The following VAT1L variants were observed in gnomAD, a reference collection of about 807,000 sequenced individuals.
VAT1L encodes the protein putative NADPH-dependent quinone oxidoreductase VAT1L.
VAT1L carries 34 observed loss-of-function variants against 44.1 expected under a neutral mutation model. That is an observed-to-expected ratio of 0.77 (90% CI 0.59 to 1.03). VAT1L has a LOEUF of 1.03. Among genes scored for constraint, VAT1L ranks in the 50% least tolerant of loss-of-function variants. VAT1L has a pLI of 0.00. For missense variants in VAT1L, 615 were observed against 538.8 expected, an observed-to-expected ratio of 1.14 and a Z score of -1.40; for synonymous variants, 253 against 202.2, an observed-to-expected ratio of 1.25 and a Z score of -2.13.
At position 77,977,862 on chromosome 16, in the gene VAT1L, C is replaced by G. The variant is rs2018358219; in HGVS notation, c.*167C>G. The stretch of plus-strand genomic sequence containing the variant: ...TTGATCACTGTTGTTTTTTGAAGTG[C>G]CAATCCCATGCCATGCAGTATTATG... On this transcript the variant is annotated 3_prime_UTR_variant, in exon 9 of 9. Transcript: ENST00000302536. The G allele has an allele frequency of 4.7e-6, 3 of 641,680 alleles. No homozygotes were observed. Among genetic ancestry groups the G allele is most frequent in the Non-Finnish European group, 8.3e-6 (3 of 359,510 alleles). 39.7% of individuals were successfully genotyped at this position (641,680 alleles called of 1,614,324 possible).
chr16:77,971,275 A>G (rs2018275281), intron 7 of VAT1L, among the ~76,000 whole-genome samples: 1 of 152,198 alleles, frequency 6.6e-6, no homozygotes, highest in Non-Finnish European at 1.5e-5. Context: ...GCAAGCCCCC[A>G]ACATTTGAAA....
At chr16:77,817,913 C>T (rs754752745) in intron 2 of VAT1L, among the ~76,000 whole-genome samples, 38 of 152,054 alleles carry the variant, frequency 2.5e-4, no homozygotes, top group Non-Finnish European at 5.0e-4. Context: ...TTTGAGAACC[C>T]GCTATAATCA....
chr16:77,972,417 A>G (rs2018290010), intron 8 of VAT1L, among the ~76,000 whole-genome samples: 1 of 152,126 alleles, frequency 6.6e-6, no homozygotes, highest in Non-Finnish European at 1.5e-5. Flanking sequence ...CTCCTGACTG[A>G]AGTGATCCTC....
chr16:77,827,995 G>A (rs1390604736), intron 3 of VAT1L, among the ~76,000 whole-genome samples: 1 of 152,196 alleles, frequency 6.6e-6, no homozygotes, highest in Non-Finnish European at 1.5e-5. Context: ...GAGTTGAAAA[G>A]TGCAGTTGGA....
intron 3 of VAT1L, among the ~76,000 whole-genome samples, chr16:77,837,952 A>T (rs554326369): frequency 6.6e-6 from 1 of 152,342 alleles, no homozygotes; most frequent in East Asian, 1.9e-4. Flanking sequence ...AGCCAGAAGC[A>T]AACAGGTTAG....
At chr16:77,848,898 G>A (rs1358629468) in intron 3 of VAT1L, among the ~76,000 whole-genome samples, 1 of 152,162 alleles carries the variant, frequency 6.6e-6, no homozygotes, top group African/African-American at 2.4e-5. Context: ...CAGGGACATG[G>A]ATGAAGCTGG....
chr16:77,800,397 C>T (rs1181068112), intron 1 of VAT1L: 28 of 152,162 alleles, frequency 1.8e-4, no homozygotes, highest in Admixed American at 1.7e-3. Context: ...TCAGGTATAC[C>T]TGGGGACTCT....
intron 7 of VAT1L, among the ~76,000 whole-genome samples, chr16:77,954,216 G>A (rs140788550): frequency 2.1e-4 from 32 of 152,318 alleles, no homozygotes; most frequent in African/African-American, 7.7e-4. Context: ...GCTGAGATCC[G>A]ATTTCTTGTC....
chr16:77,934,337 T>G lies in VAT1L; in HGVS notation c.1078-37513T>G, dbSNP rs565220556. Among the ~76,000 whole-genome samples, 27 of 152,170 alleles carry G rather than the reference T, an allele frequency of 1.8e-4. No homozygotes were observed. In the South Asian group the frequency reaches 5.4e-3, roughly 31 times the overall value. On this transcript the variant is annotated intron_variant, in intron 7 of 8. Transcript: ENST00000302536. ...CACCCCCAAGATGACCCTGTTCTAA[T>G]CCCTTGGACCTGTCAATATATTACT...
At chr16:77,927,859 C>T (rs975995675) in intron 7 of VAT1L, among the ~76,000 whole-genome samples, 12 of 151,988 alleles carry the variant, frequency 7.9e-5, no homozygotes, top group Non-Finnish European at 1.5e-4. Context: ...ACAGAGACTC[C>T]GTCTCAAAAT....
chr16:77,811,722 C>G (rs887762088), intron 1 of VAT1L, among the ~76,000 whole-genome samples: 1 of 152,124 alleles, frequency 6.6e-6, no homozygotes, highest in African/African-American at 2.4e-5. Context: ...AATAAAGGCA[C>G]CTAACCATCT....
At chr16:77,810,921 A>G (rs930504778) in intron 1 of VAT1L, among the ~76,000 whole-genome samples, 1 of 152,204 alleles carries the variant, frequency 6.6e-6, no homozygotes, top group Non-Finnish European at 1.5e-5. Flanking sequence ...GGCACAAACC[A>G]CAATTACTTT....
intron 7 of VAT1L, among the ~76,000 whole-genome samples, chr16:77,890,446 G>A (rs2017252274): frequency 6.6e-6 from 1 of 152,078 alleles, no homozygotes; most frequent in Non-Finnish European, 1.5e-5. Flanking sequence ...GGCCTAAGAA[G>A]CATGACACCA....
chr16:77,945,010 G>C lies in VAT1L; in HGVS notation c.1078-26840G>C, dbSNP rs569732707. Among the ~76,000 whole-genome samples, 220 of 152,282 alleles carry C rather than the reference G, an allele frequency of 1.4e-3. 2 individuals are homozygous for C. Among genetic ancestry groups the C allele is most frequent in the African/African-American group, 5.1e-3 (214 of 41,564 alleles). ...CCTGCATGGAATCCCAGATAATGAA[G>C]AATGATGAGGCTAATTATAGACTCA... On this transcript the variant is annotated intron_variant, in intron 7 of 8. Coordinates refer to ENST00000302536, the MANE Select transcript of VAT1L (RefSeq NM_020927.3).
intron 7 of VAT1L, among the ~76,000 whole-genome samples, chr16:77,942,938 T>C: frequency 6.7e-6 from 1 of 149,636 alleles, no homozygotes; most frequent in Non-Finnish European, 1.5e-5. Flanking sequence ...AGAGACAGAG[T>C]TTCATCATGT....
At chr16:77,957,931 A>G (rs1302982923) in intron 7 of VAT1L, among the ~76,000 whole-genome samples, 1 of 151,964 alleles carries the variant, frequency 6.6e-6, no homozygotes, top group Non-Finnish European at 1.5e-5. Flanking sequence ...TTTTTGAGAC[A>G]GGGGCTTGCT....
intron 3 of VAT1L, among the ~76,000 whole-genome samples, chr16:77,844,034 C>T (rs1291878227): frequency 6.6e-6 from 1 of 152,222 alleles, no homozygotes; most frequent in Non-Finnish European, 1.5e-5. Context: ...AAAATAGTCA[C>T]TGTCCTCAAG....
chr16:77,908,805 T>G (rs1266268915), intron 7 of VAT1L, among the ~76,000 whole-genome samples: 2 of 151,868 alleles, frequency 1.3e-5, no homozygotes, highest in Non-Finnish European at 2.9e-5. Context: ...TCCCAGCTAC[T>G]TGGGAGGCTG....
chr16:77,946,895 A>C (rs942730295), intron 7 of VAT1L, among the ~76,000 whole-genome samples: 2 of 152,184 alleles, frequency 1.3e-5, no homozygotes, highest in Non-Finnish European at 2.9e-5. Context: ...AAGTCTGGCT[A>C]TCCATCCCTA....
Sources: gnomAD v4.1 joint callset for allele counts (sites outside exome capture counted in the v4.1 genomes callset) on GRCh38, gnomAD v4.1.1 for gene constraint, MANE v1.5 for transcripts, NCBI Gene and HGNC (gene_info 2026-07-23, HGNC 2026-07-21) for gene names.